Variants in ATP5F1C observed in about 807,000 individuals in gnomAD.
ATP5F1C encodes ATP synthase F(1) complex subunit gamma, mitochondrial.
ATP5F1C carries 22 observed loss-of-function variants against 37.4 expected under a neutral mutation model. The ratio of observed to expected loss-of-function variants is 0.59; its 90% confidence interval spans 0.42 to 0.84. The LOEUF (loss-of-function observed/expected upper bound fraction) is 0.84. ATP5F1C is among the 40% of genes least tolerant of loss of function. ATP5F1C has a pLI of 0.00. For missense variants in ATP5F1C, 286 were observed against 362.4 expected, an observed-to-expected ratio of 0.79 and a Z score of 1.71; for synonymous variants, 121 against 128.0, an observed-to-expected ratio of 0.95 and a Z score of 0.37.
At chr10:7,794,218 C>T (rs927983096) in intron 1 of ATP5F1C, among the ~76,000 whole-genome samples, 1 of 152,200 alleles carries the variant, frequency 6.6e-6, no homozygotes, top group Non-Finnish European at 1.5e-5. Context: ...ATACACTAAC[C>T]TTATATCCTG....
At chr10:7,801,816 T>A (rs1205994501) in intron 6 of ATP5F1C, among the ~76,000 whole-genome samples, 1 of 152,234 alleles carries the variant, frequency 6.6e-6, no homozygotes, top group African/African-American at 2.4e-5. Flanking sequence ...GCTCAAAATG[T>A]TTCAGATTTT....
chr10:7,797,367 T>G (rs978797938), intron 3 of ATP5F1C, among the ~76,000 whole-genome samples, 189 bp downstream of exon 3: 2 of 152,174 alleles, frequency 1.3e-5, no homozygotes, highest in Admixed American at 6.5e-5. Context: ...TAGGGACTGT[T>G]AGAATCCCTG....
At chr10:7,793,130 T>G (rs1426834471) in intron 1 of ATP5F1C, among the ~76,000 whole-genome samples, 1 of 152,230 alleles carries the variant, frequency 6.6e-6, no homozygotes, top group Non-Finnish European at 1.5e-5. Context: ...TTTTGTTTTT[T>G]GAGACAGAGT....
At chr10:7,794,556 CTT>C (rs1201369400) in intron 1 of ATP5F1C, among the ~76,000 whole-genome samples, 1 of 150,572 alleles carries the variant, frequency 6.6e-6, no homozygotes, top group Non-Finnish European at 1.5e-5. Context: ...TGCTGAGAGA[CTT>C]TTTCATGACT....
intron 1 of ATP5F1C, among the ~76,000 whole-genome samples, chr10:7,789,071 G>C (rs1564329280): frequency 6.6e-6 from 1 of 152,032 alleles, no homozygotes; most frequent in Non-Finnish European, 1.5e-5. Flanking sequence ...GTTCCGGGTA[G>C]GGGGACCTGG....
chr10:7,799,281 T>C, intron 4 of ATP5F1C, 87 bp downstream of exon 4: 2 of 1,264,452 alleles, frequency 1.6e-6, no homozygotes, highest in East Asian at 5.1e-5. Flanking sequence ...TCTCAAAACC[T>C]TCATCAATAA....
chr10:7,801,872 G>A (rs545386101), intron 6 of ATP5F1C, among the ~76,000 whole-genome samples: 6 of 152,158 alleles, frequency 3.9e-5, no homozygotes, highest in African/African-American at 1.2e-4. Context: ...TGCTCAACCT[G>A]TATTACACTA....
chr10:7,796,875 T>C (rs1244421), intron 2 of ATP5F1C, 172 bp from the exon 3 acceptor site: 654,904 of 664,154 alleles, frequency 0.99, 323,519 homozygotes, highest in East Asian at 1. Flanking sequence ...TGAGCCACCG[T>C]GCCCGGCTAT....
chr10:7,801,379 C>G (rs1836363521), intron 6 of ATP5F1C: 1 of 152,296 alleles, frequency 6.6e-6, no homozygotes, highest in South Asian at 2.1e-4. Context: ...TACTGTGTCA[C>G]CACTTGACCC....
chr10:7,807,705 C>T lies in ATP5F1C; in HGVS notation c.*77C>T. 1 of 1,596,506 alleles carries T rather than the reference C, an allele frequency of 6.3e-7. No homozygotes were observed. The highest frequency in any genetic ancestry group is 8.5e-7 in the Non-Finnish European group (1 of 1,169,856). ...AGTTGATTTTGTTTTTAGCTTACTGCTGCCTTTGTCCGAAGAAACTGTTCC... is the reference window on the plus strand; with the variant it reads ...AGTTGATTTTGTTTTTAGCTTACTGTTGCCTTTGTCCGAAGAAACTGTTCC... On this transcript the variant is annotated 3_prime_UTR_variant, in exon 10 of 10. Coordinates refer to ENST00000356708, the MANE Select transcript of ATP5F1C (RefSeq NM_001001973.3).
At chr10:7,801,229 G>T (rs552942469) in intron 6 of ATP5F1C, among the ~76,000 whole-genome samples, 1 of 152,108 alleles carries the variant, frequency 6.6e-6, no homozygotes, top group East Asian at 1.9e-4. Flanking sequence ...ACACGTTAAT[G>T]TTTCTGAAAT....
chr10:7,807,356 T>A (rs990609670), intron 9 of ATP5F1C, among the ~76,000 whole-genome samples: 8 of 152,244 alleles, frequency 5.3e-5, no homozygotes, highest in Admixed American at 1.3e-4. Context: ...AGCTAGATTT[T>A]CATCTGTCTC....
chr10:7,800,169 G>T (rs928137295), intron 6 of ATP5F1C, 78 bp downstream of exon 6: 4 of 1,356,782 alleles, frequency 2.9e-6, no homozygotes, highest in Non-Finnish European at 4.2e-6. Flanking sequence ...ACAGTGTCAA[G>T]ATATCTGGTG....
At position 7,796,217 on chromosome 10, in the gene ATP5F1C, T is replaced by C. The variant is rs1035426769; in HGVS notation, c.91+62T>C. 3.8e-5 allele frequency: 54 copies of C among 1,415,944 alleles called. No individual in the cohort carries two copies. In the South Asian group the frequency reaches 6.8e-4, roughly 18 times the overall value. 87.7% of individuals were successfully genotyped at this position (1,415,944 alleles called of 1,614,324 possible). On this transcript the variant is annotated intron_variant, in intron 2 of 9. Transcript: ENST00000356708. ...AAAACTAAATTTTGACAAATACAAA[T>C]ACTTTCAAAAATATACTGCTTTAGC...
chr10:7,798,938 T>C, intron 3 of ATP5F1C, 52 bp from the exon 4 acceptor site: 4 of 1,481,572 alleles, frequency 2.7e-6, no homozygotes, highest in Non-Finnish European at 3.7e-6. Flanking sequence ...AGAGATTTAT[T>C]GTATTTAGTG....
chr10:7,794,379 T>C (rs559025654), intron 1 of ATP5F1C, among the ~76,000 whole-genome samples: 1 of 152,324 alleles, frequency 6.6e-6, no homozygotes, highest in East Asian at 1.9e-4. Context: ...TCTTACTGCA[T>C]TAGCTAAGAC....
chr10:7,807,358 A>C (rs920243276), intron 9 of ATP5F1C, among the ~76,000 whole-genome samples: 9 of 152,210 alleles, frequency 5.9e-5, no homozygotes, highest in African/African-American at 2.2e-4. Context: ...CTAGATTTTC[A>C]TCTGTCTCTA....
chr10:7,794,513 T>C (rs1414866399), intron 1 of ATP5F1C, among the ~76,000 whole-genome samples: 1 of 143,528 alleles, frequency 7.0e-6, no homozygotes, highest in East Asian at 2.0e-4. Context: ...TTTTTTTTTT[T>C]TAGCAGGTTG....
At chr10:7,799,685 T>G in intron 4 of ATP5F1C, 87 bp from the exon 5 acceptor site, 1 of 1,491,938 alleles carries the variant, frequency 6.7e-7, no homozygotes, top group Non-Finnish European at 9.1e-7. Context: ...TGATCCATGG[T>G]GACAATGTTT....
Sources: allele counts gnomAD v4.1 joint callset (sites outside exome capture counted in the v4.1 genomes callset), GRCh38; gene constraint gnomAD v4.1.1; transcripts MANE v1.5; gene names NCBI Gene and HGNC (gene_info 2026-07-23, HGNC 2026-07-21).